KLF12: variants seen among roughly 807,000 people sequenced by gnomAD.
KLF12 encodes the protein KLF transcription factor 12.
KLF12 carries 9 observed loss-of-function variants against 37.8 expected under a neutral mutation model. That is an observed-to-expected ratio of 0.24 (90% CI 0.14 to 0.42). KLF12 has a LOEUF of 0.42. Among genes scored for constraint, KLF12 ranks in the 10% least tolerant of loss-of-function variants. The pLI is 1.00. For synonymous variants in KLF12, 208 were observed against 202.1 expected, an observed-to-expected ratio of 1.03 and a Z score of -0.25; for missense variants, 411 against 516.0, an observed-to-expected ratio of 0.80 and a Z score of 1.97.
At chr13:74,164,781 T>C in the KLF12 span, among the ~76,000 whole-genome samples, 1 of 152,302 alleles carries the variant, frequency 6.6e-6, no homozygotes, top group Non-Finnish European at 1.5e-5. Flanking sequence ...TGGAGGATAT[T>C]ATGTTAAGGG....
chr13:74,264,884 G>A, the KLF12 span, among the ~76,000 whole-genome samples: 3 of 152,000 alleles, frequency 2.0e-5, no homozygotes, highest in Non-Finnish European at 4.4e-5. Context: ...TCTTAGGTTA[G>A]TCTATTTTTT....
the KLF12 span, among the ~76,000 whole-genome samples, chr13:74,276,341 G>T: frequency 1.3e-5 from 2 of 152,006 alleles, no homozygotes; most frequent in East Asian, 1.9e-4. Context: ...TTCAACTCCT[G>T]GCCTCAAGCA....
At chr13:73,807,672 G>C (rs1882718362) in intron 5 of KLF12, among the ~76,000 whole-genome samples, 1 of 152,270 alleles carries the variant, frequency 6.6e-6, no homozygotes, top group East Asian at 1.9e-4. Context: ...AAATCAGAGA[G>C]AGTAGACTAC....
chr13:74,080,583 T>A (rs756255877), intron 1 of KLF12, among the ~76,000 whole-genome samples: 9 of 151,782 alleles, frequency 5.9e-5, no homozygotes, highest in Non-Finnish European at 1.2e-4. Flanking sequence ...CTGCCTCCCA[T>A]CCCAAGCCTA....
intron 1 of KLF12, among the ~76,000 whole-genome samples, chr13:74,053,834 A>G (rs928760135): frequency 1.3e-5 from 2 of 151,762 alleles, no homozygotes; most frequent in African/African-American, 2.4e-5. Flanking sequence ...GGAAAGCAGA[A>G]AACTTTGTGG....
chr13:74,297,142 T>C, the KLF12 span, among the ~76,000 whole-genome samples: 1 of 152,164 alleles, frequency 6.6e-6, no homozygotes, highest in Non-Finnish European at 1.5e-5. Flanking sequence ...GTTGGGCCTA[T>C]AGGGTTTCTG....
rs114642220 is a variant in KLF12 at position 73,839,927 on chromosome 13, C to G, written c.670+5900G>C. On this transcript the variant is annotated intron_variant, in intron 4 of 7. Coordinates refer to ENST00000377669, the MANE Select transcript of KLF12 (RefSeq NM_007249.5). The stretch of plus-strand genomic sequence containing the variant: ...TCTTTTAAAACCCCTCCCTTGAGAA[C>G]CTAATGCCTCTCCAGCTCTCATTCC... 7.7e-3 allele frequency among the ~76,000 whole-genome samples: 1,173 copies of G among 152,248 alleles called. 17 individuals carry two copies. The highest frequency in any genetic ancestry group is 0.027 in the African/African-American group (1,124 of 41,524).
At chr13:73,973,423 T>C (rs753636491) in intron 2 of KLF12, among the ~76,000 whole-genome samples, 1 of 152,174 alleles carries the variant, frequency 6.6e-6, no homozygotes, top group Non-Finnish European at 1.5e-5. Flanking sequence ...TCATTGTCCA[T>C]ACATCACCAA....
intron 3 of KLF12, among the ~76,000 whole-genome samples, chr13:73,876,244 C>T (rs1449587209): frequency 6.6e-6 from 1 of 152,036 alleles, no homozygotes; most frequent in Non-Finnish European, 1.5e-5. Context: ...AGATTATTGG[C>T]TGAATTCAGT....
rs765820946 is a variant in KLF12 at position 73,743,255 on chromosome 13, A to G, written c.869+21683T>C. Among the ~76,000 whole-genome samples the G allele has an allele frequency of 8.5e-4, 130 of 152,168 alleles. 3 individuals are homozygous for G. The highest frequency in any genetic ancestry group is 1.2e-4 in the Non-Finnish European group (8 of 68,040). On this transcript the variant is annotated intron_variant, in intron 6 of 7. Coordinates refer to ENST00000377669, the MANE Select transcript of KLF12 (RefSeq NM_007249.5). ...TCCAAACTTAGGCTTGGCATATGAG[A>G]AAACTGGGAGTGAGGAGTTAGGCAT...
rs186391764 is a variant in KLF12, at chr13:73,900,147, A to G, written c.123+43834T>C. On this transcript the variant is annotated intron_variant, in intron 3 of 7. Transcript: ENST00000377669. ...AAAATCACTTCACGTTTATATTAAT[A>G]CTTTAGCAAGTTCAGGTTATTCAAT... Among the ~76,000 whole-genome samples the G allele has an allele frequency of 8.0e-4, 122 of 152,304 alleles. 1 individual carries two copies. Among genetic ancestry groups the G allele is most frequent in the African/African-American group, 2.8e-3 (117 of 41,570 alleles).
chr13:73,911,065 A>C (rs1054730384), intron 3 of KLF12, among the ~76,000 whole-genome samples: 6 of 152,078 alleles, frequency 3.9e-5, no homozygotes, highest in Admixed American at 3.3e-4. Context: ...TTTTCTTTAT[A>C]AATGAAGCAA....
At chr13:73,776,970 T>G (rs982337559) in intron 5 of KLF12, among the ~76,000 whole-genome samples, 1 of 152,050 alleles carries the variant, frequency 6.6e-6, no homozygotes, top group African/African-American at 2.4e-5. Context: ...TGGGGAAGTA[T>G]ACAATAGTCT....
chr13:73,997,362 C>T (rs1892149505), intron 1 of KLF12, among the ~76,000 whole-genome samples: 1 of 152,112 alleles, frequency 6.6e-6, no homozygotes, highest in Non-Finnish European at 1.5e-5. Flanking sequence ...TATATACTTG[C>T]CTACTCTAAT....
the KLF12 span, among the ~76,000 whole-genome samples, chr13:74,261,048 A>T: frequency 6.6e-6 from 1 of 152,204 alleles, no homozygotes; most frequent in Non-Finnish European, 1.5e-5. Context: ...TGCTCAGGTG[A>T]TGGGTGCACC....
the KLF12 span, among the ~76,000 whole-genome samples, chr13:74,189,948 T>C: frequency 1.3e-5 from 2 of 152,214 alleles, no homozygotes; most frequent in Admixed American, 1.3e-4. Flanking sequence ...TTTCTTAACA[T>C]GTGCAAGGTA....
intron 3 of KLF12, among the ~76,000 whole-genome samples, chr13:73,920,839 C>T (rs1889080794): frequency 6.6e-6 from 1 of 152,182 alleles, no homozygotes; most frequent in African/African-American, 2.4e-5. Flanking sequence ...CAGCAAGCCT[C>T]AGAACCAAGA....
At chr13:74,255,245 G>C in the KLF12 span, among the ~76,000 whole-genome samples, 19 of 152,174 alleles carry the variant, frequency 1.2e-4, no homozygotes, top group Admixed American at 1.2e-3. Context: ...ATAAATACTG[G>C]TTAATAAGAG....
At chr13:73,792,908 T>C (rs1381567677) in intron 5 of KLF12, among the ~76,000 whole-genome samples, 1 of 152,236 alleles carries the variant, frequency 6.6e-6, no homozygotes, top group Non-Finnish European at 1.5e-5. Flanking sequence ...TCACTTATTA[T>C]ACAAGTGATT....
Sources: gnomAD v4.1 joint callset for allele counts (sites outside exome capture counted in the v4.1 genomes callset) on GRCh38, gnomAD v4.1.1 for gene constraint, MANE v1.5 for transcripts, NCBI Gene and HGNC (gene_info 2026-07-23, HGNC 2026-07-21) for gene names.